Variants in TAFA4 observed in about 807,000 individuals in gnomAD.
TAFA4 encodes the protein TAFA chemokine like family member 4, also known as chemokine-like protein TAFA-4.
TAFA4 carries 20 observed loss-of-function variants against 21.1 expected under a neutral mutation model. The observed-to-expected ratio is 0.95, with a 90% confidence interval of 0.67 to 1.38. The LOEUF is 1.38. Ranked by LOEUF, TAFA4 falls within the 40% of genes most tolerant of loss-of-function variation. TAFA4 has a pLI of 0.00. For missense variants in TAFA4, 211 were observed against 180.9 expected (o/e 1.17, Z -0.95); for synonymous variants, 71 against 67.4 (o/e 1.05, Z -0.26).
intron 3 of TAFA4, among the ~76,000 whole-genome samples, chr3:68,852,988 A>G (rs1704985062): frequency 6.6e-6 from 1 of 152,140 alleles, no homozygotes; most frequent in South Asian, 2.1e-4. Context: ...TTCTGAAGTA[A>G]TTCCTCCTTA....
chr3:68,897,775 G>A (rs760878101), intron 1 of TAFA4, among the ~76,000 whole-genome samples: 27 of 152,108 alleles, frequency 1.8e-4, no homozygotes, highest in Admixed American at 4.6e-4. Context: ...AGTTCAGATT[G>A]TCCTAAGAGT....
chr3:68,828,051 T>C (rs1270587292), intron 3 of TAFA4, among the ~76,000 whole-genome samples: 1 of 152,208 alleles, frequency 6.6e-6, no homozygotes, highest in Non-Finnish European at 1.5e-5. Flanking sequence ...CTTGAGTTAA[T>C]TTTTGTGTAA....
chr3:68,810,749 G>A (rs1442809677), intron 3 of TAFA4, among the ~76,000 whole-genome samples: 2 of 152,334 alleles, frequency 1.3e-5, no homozygotes, highest in Non-Finnish European at 2.9e-5. Flanking sequence ...TCTGGGGGCA[G>A]GGCATAGCCA....
chr3:68,835,510 A>T (rs2106885215), intron 3 of TAFA4, among the ~76,000 whole-genome samples: 1 of 152,340 alleles, frequency 6.6e-6, no homozygotes, highest in Non-Finnish European at 1.5e-5. Context: ...AATAAATAAT[A>T]CATGCCATGA....
At chr3:68,796,918 A>T (rs1703463200) in intron 3 of TAFA4, among the ~76,000 whole-genome samples, 1 of 152,226 alleles carries the variant, frequency 6.6e-6, no homozygotes, top group Admixed American at 6.5e-5. Flanking sequence ...AATGCAAGGC[A>T]ATACCACAAA....
At chr3:68,925,094 G>A (rs565324476) in intron 1 of TAFA4, among the ~76,000 whole-genome samples, 5 of 152,190 alleles carry the variant, frequency 3.3e-5, no homozygotes, top group Admixed American at 2.0e-4. Flanking sequence ...AGACAAAGCA[G>A]ACAAAGAGCA....
At chr3:68,821,343 T>TGTGAA (rs1462185233) in intron 3 of TAFA4, among the ~76,000 whole-genome samples, 3 of 12,080 alleles carry the variant, frequency 2.5e-4, no homozygotes, top group East Asian at 0.25. Flanking sequence ...TTTTTTTTTT[T>TGTGAA]TTTTTTTTTT....
chr3:68,807,194 C>G (rs1703719679), intron 3 of TAFA4, among the ~76,000 whole-genome samples: 1 of 152,168 alleles, frequency 6.6e-6, no homozygotes, highest in Non-Finnish European at 1.5e-5. Context: ...ATTTCAAAAA[C>G]AAAATCAAAA....
chr3:68,909,053 TG>T (rs1383111263), intron 1 of TAFA4, among the ~76,000 whole-genome samples: 2 of 152,238 alleles, frequency 1.3e-5, no homozygotes, highest in Non-Finnish European at 2.9e-5. Flanking sequence ...TTTTTAGTTT[TG>T]TTTAATTCTA....
intron 3 of TAFA4, among the ~76,000 whole-genome samples, chr3:68,800,318 A>T (rs1381847081): frequency 1.3e-5 from 2 of 152,124 alleles, no homozygotes; most frequent in Admixed American, 1.3e-4. Flanking sequence ...ATCCAGCACT[A>T]TGAGATGATA....
chr3:68,885,208 A>G lies in TAFA4; in HGVS notation c.-20T>C, dbSNP rs1400667072. The G allele has an allele frequency of 6.2e-7, 1 of 1,611,620 alleles. No individual in the cohort carries two copies. Among genetic ancestry groups the G allele is most frequent in the Non-Finnish European group, 8.5e-7 (1 of 1,178,584 alleles). On this transcript the variant is annotated 5_prime_UTR_variant, in exon 2 of 6. Transcript: ENST00000295569. ...CCTCATAAGATGTGGTTCTAGTCAA[A>G]CACACTTATTCCAGGATATATTTCA...
intron 3 of TAFA4, among the ~76,000 whole-genome samples, chr3:68,807,256 A>C (rs1175455099): frequency 6.6e-6 from 1 of 152,186 alleles, no homozygotes; most frequent in African/African-American, 2.4e-5. Context: ...GAATTTGAAC[A>C]AAGATTATCA....
intron 2 of TAFA4, among the ~76,000 whole-genome samples, chr3:68,884,415 T>C (rs2089650494): frequency 6.6e-6 from 1 of 152,216 alleles, no homozygotes; most frequent in Non-Finnish European, 1.5e-5. Flanking sequence ...AAGGGTCCAC[T>C]GTGGTTCTAG....
chr3:68,868,124 CACACATAG>C (rs2089441239), intron 3 of TAFA4, among the ~76,000 whole-genome samples: 2 of 151,896 alleles, frequency 1.3e-5, no homozygotes, highest in Admixed American at 6.6e-5. Context: ...CCTATAAAGA[CACACATAG>C]ACTGAAAGTG....
chr3:68,837,351 A>G (rs1704548409), intron 3 of TAFA4, among the ~76,000 whole-genome samples: 1 of 152,192 alleles, frequency 6.6e-6, no homozygotes, highest in South Asian at 2.1e-4. Flanking sequence ...GACACATATG[A>G]TCTCTGGAAG....
intron 1 of TAFA4, among the ~76,000 whole-genome samples, chr3:68,903,366 T>C (rs1019143678): frequency 6.6e-6 from 1 of 152,354 alleles, no homozygotes; most frequent in East Asian, 1.9e-4. Flanking sequence ...CCTTCAATTA[T>C]AAACGTCAGC....
chr3:68,818,325 C>T (rs1047074451), intron 3 of TAFA4, among the ~76,000 whole-genome samples: 2 of 152,182 alleles, frequency 1.3e-5, no homozygotes, highest in African/African-American at 4.8e-5. Flanking sequence ...AGTGTTGAGG[C>T]TGGTTTGATC....
intron 3 of TAFA4, among the ~76,000 whole-genome samples, chr3:68,821,643 C>T (rs764186239): frequency 6.6e-6 from 1 of 151,558 alleles, no homozygotes; most frequent in Non-Finnish European, 1.5e-5. Flanking sequence ...GAAAACAAGT[C>T]CTGAATGATA....
In TAFA4 at chr3:68,869,731, C is replaced by T. The variant is rs149456471; in HGVS notation, c.130+10999G>A. On this transcript the variant is annotated intron_variant, in intron 3 of 5. Coordinates refer to ENST00000295569, the MANE Select transcript of TAFA4 (RefSeq NM_182522.5). ...ACACCTCAAAACAAAAATGGCCATA[C>T]GTAACAAACCCACAGCTAACATACT... Among the ~76,000 whole-genome samples the T allele has an allele frequency of 2.3e-3, 347 of 151,790 alleles. 1 individual carries two copies. The East Asian group carries it at 0.045, about 19-fold the overall frequency.
Sources: allele counts gnomAD v4.1 joint callset (sites outside exome capture counted in the v4.1 genomes callset), GRCh38; gene constraint gnomAD v4.1.1; transcripts MANE v1.5; gene names NCBI Gene and HGNC (gene_info 2026-07-23, HGNC 2026-07-21).